The following PDCD10 variants were observed in gnomAD, a reference collection of about 807,000 sequenced individuals.
The protein encoded by PDCD10 is programmed cell death protein 10.
A neutral mutation model predicts 29.2 loss-of-function variants in PDCD10; 4 were observed. The observed-to-expected ratio is 0.14, with a 90% CI of 0.07 to 0.31. The LOEUF (loss-of-function observed/expected upper bound fraction) is 0.31. Ranked by LOEUF, PDCD10 falls within the 10% of genes least tolerant of loss-of-function variation. The probability of loss-of-function intolerance (pLI) is 1.00; values close to 1 mark genes in which losing one functional copy is unlikely to be tolerated. For missense variants in PDCD10, 183 were observed against 257.9 expected (o/e 0.71, Z 1.99); for synonymous variants, 70 against 82.2 (o/e 0.85, Z 0.80).
intron 8 of PDCD10, among the ~76,000 whole-genome samples, chr3:167,685,387 C>G (rs1719492234): frequency 8.2e-6 from 1 of 122,534 alleles, no homozygotes. Flanking sequence ...CATAGCAAGA[C>G]TCTGTCTCCA....
chr3:167,699,124 A>C (rs1057006939), intron 4 of PDCD10, among the ~76,000 whole-genome samples: 1 of 152,202 alleles, frequency 6.6e-6, no homozygotes. Flanking sequence ...GTGTGTGCCT[A>C]CTGGGCACTT....
intron 8 of PDCD10, 125 bp from the exon 9 acceptor site, chr3:167,684,514 A>G (rs1026047986): frequency 1.6e-6 from 1 of 643,048 alleles, no homozygotes; most frequent in Non-Finnish European, 2.8e-6. Context: ...TAGTATTATT[A>G]AAACTTTTAT....
At chr3:167,703,880 G>GT (rs1210255813) in intron 4 of PDCD10, among the ~76,000 whole-genome samples, 2 of 152,026 alleles carry the variant, frequency 1.3e-5, no homozygotes, top group Non-Finnish European at 2.9e-5. Context: ...ATTTCAACAT[G>GT]TAATCATTAT....
intron 2 of PDCD10, chr3:167,725,256 C>CAAAAAA (rs1178264599): frequency 2.4e-5 from 2 of 84,174 alleles, no homozygotes; most frequent in African/African-American, 7.7e-5. Flanking sequence ...GACTCTGTCT[C>CAAAAAA]AAAAAAGAAA....
intron 2 of PDCD10, among the ~76,000 whole-genome samples, chr3:167,720,566 G>C (rs994227270): frequency 6.6e-6 from 1 of 151,898 alleles, no homozygotes; most frequent in African/African-American, 2.4e-5. Flanking sequence ...GAATAATGAT[G>C]TATGTCATGC....
chr3:167,687,728 T>A lies in PDCD10; in HGVS notation c.396-35A>T, dbSNP rs185195114. Reference sequence around the variant, plus strand: ...AAAGAATAAAGAATATCAGCTACATTTGAAAGAAATTTGTGAGAGAAAAGA... The same window carrying A: ...AAAGAATAAAGAATATCAGCTACATATGAAAGAAATTTGTGAGAGAAAAGA... On this transcript the variant is annotated intron_variant, in intron 6 of 8. Coordinates refer to ENST00000392750, the MANE Select transcript of PDCD10 (RefSeq NM_007217.4). 10 of 1,130,526 alleles carry A rather than the reference T, an allele frequency of 8.8e-6. No homozygotes were observed. The Admixed American group carries it at 1.7e-4, about 19-fold the overall frequency. The allele number at this position is 1,130,526 out of a possible 1,614,324, so 70.0% of individuals were successfully genotyped here. A position where few individuals can be genotyped will look rare whatever the true frequency, so the allele number is the denominator to read the frequency against.
At chr3:167,704,027 T>C (rs1721714435) in intron 4 of PDCD10, among the ~76,000 whole-genome samples, 1 of 152,186 alleles carries the variant, frequency 6.6e-6, no homozygotes, top group Non-Finnish European at 1.5e-5. Flanking sequence ...ATGTGGCTAG[T>C]GATAACCCAC....
intron 4 of PDCD10, among the ~76,000 whole-genome samples, chr3:167,703,427 T>G (rs1197358200): frequency 6.6e-6 from 1 of 152,080 alleles, no homozygotes; most frequent in East Asian, 1.9e-4. Flanking sequence ...GTAATGTAGA[T>G]TATTAAAGTA....
chr3:167,709,118 T>C (rs886394981), intron 3 of PDCD10, among the ~76,000 whole-genome samples: 8 of 151,886 alleles, frequency 5.3e-5, no homozygotes, highest in African/African-American at 1.7e-4. Flanking sequence ...TGCTCAAAGT[T>C]TGAGGTCTGG....
intron 3 of PDCD10, among the ~76,000 whole-genome samples, chr3:167,715,419 C>T (rs762460098): frequency 1.3e-5 from 2 of 151,712 alleles, no homozygotes; most frequent in Admixed American, 6.6e-5. Context: ...ACAAATAGCA[C>T]ATCAAGTTAA....
intron 8 of PDCD10, among the ~76,000 whole-genome samples, chr3:167,686,296 T>C (rs995413219): frequency 4.6e-5 from 7 of 152,212 alleles, no homozygotes; most frequent in African/African-American, 7.2e-5. Context: ...ACCAATTATA[T>C]ATAAATTAAA....
chr3:167,733,784 A>G (rs1478898411), intron 2 of PDCD10, among the ~76,000 whole-genome samples: 2 of 152,208 alleles, frequency 1.3e-5, no homozygotes, highest in Non-Finnish European at 2.9e-5. Flanking sequence ...AGGATGGGAT[A>G]TATTGTTTAA....
chr3:167,705,680 C>T (rs1171731101), intron 3 of PDCD10, among the ~76,000 whole-genome samples: 1 of 152,118 alleles, frequency 6.6e-6, no homozygotes, highest in Non-Finnish European at 1.5e-5. Context: ...AACCATTTAG[C>T]TTAATATTTA....
chr3:167,712,727 AT>A (rs1722640778), intron 3 of PDCD10, among the ~76,000 whole-genome samples: 1 of 152,086 alleles, frequency 6.6e-6, no homozygotes, highest in Non-Finnish European at 1.5e-5. Context: ...CATTTCACCT[AT>A]AAAGACATCT....
At chr3:167,725,103 A>G (rs2108496588) in intron 2 of PDCD10, among the ~76,000 whole-genome samples, 1 of 152,110 alleles carries the variant, frequency 6.6e-6, no homozygotes, top group South Asian at 2.1e-4. Flanking sequence ...CTAAAAATAC[A>G]TAAACTAGCC....
chr3:167,694,291 C>T (rs1423010983), intron 6 of PDCD10: 2 of 188,034 alleles, frequency 1.1e-5, no homozygotes, highest in Non-Finnish European at 1.1e-5. Flanking sequence ...AAATATTCTC[C>T]TGGATTATGT....
chr3:167,685,279 G>C (rs1384053011), intron 8 of PDCD10, among the ~76,000 whole-genome samples: 1 of 151,682 alleles, frequency 6.6e-6, no homozygotes, highest in Non-Finnish European at 1.5e-5. Context: ...CGGGCATGGT[G>C]GCATGTGTCT....
intron 2 of PDCD10, among the ~76,000 whole-genome samples, chr3:167,731,356 C>T (rs1434262624): frequency 6.6e-6 from 1 of 152,128 alleles, no homozygotes; most frequent in African/African-American, 2.4e-5. Flanking sequence ...AAAGTGATTC[C>T]TTTATCATTT....
At chr3:167,690,754 T>A (rs893550959) in intron 6 of PDCD10, among the ~76,000 whole-genome samples, 4 of 152,242 alleles carry the variant, frequency 2.6e-5, no homozygotes, top group Admixed American at 1.3e-4. Flanking sequence ...GTTGAATGTA[T>A]GCTAGGTTCT....
Sources: gnomAD v4.1 joint callset for allele counts (sites outside exome capture counted in the v4.1 genomes callset) on GRCh38, gnomAD v4.1.1 for gene constraint, MANE v1.5 for transcripts, NCBI Gene and HGNC (gene_info 2026-07-23, HGNC 2026-07-21) for gene names.